EXOC6B: variants seen among roughly 807,000 people sequenced by gnomAD.
The protein encoded by EXOC6B is SEC15 homolog B.
Under a neutral mutation model 113.5 loss-of-function variants are expected in EXOC6B, and 54 were observed. The observed-to-expected ratio is 0.48, with a 90% CI of 0.38 to 0.60. EXOC6B has a LOEUF of 0.60. Among genes scored for constraint, EXOC6B ranks in the 20% least tolerant of loss-of-function variants. The pLI is 0.00. For synonymous variants in EXOC6B, 357 were observed against 339.0 expected (o/e 1.05, Z -0.58); for missense variants, 797 against 977.5 (o/e 0.82, Z 2.46).
rs776056603 is a variant in EXOC6B at position 72,575,641 on chromosome 2, T to C, written c.697A>G (p.Ile233Val). 3.1e-6 allele frequency: 5 copies of C among 1,601,858 alleles called. No homozygotes were observed. In the South Asian group the frequency reaches 3.4e-5, roughly 11 times the overall value. The change falls in exon 7 of 22, where the codon ATC (isoleucine) becomes GTC (valine). Residue 233 changes from isoleucine (I) to valine (V), a missense_variant. Ile to Val is a conservative substitution (Grantham distance 29). Transcript: ENST00000272427. ...QAQQQRNLDNIVLQQPRIGSK... is the reference protein window; with the variant it reads ...QAQQQRNLDNVVLQQPRIGSK... ...CCTATTCTGGGTTGTTGCAAGACGA[T>C]GTTATCCAGGTTTCTTTGCTGCTGG...
chr2:72,432,198 G>A (rs1189486492), intron 18 of EXOC6B, among the ~76,000 whole-genome samples: 2 of 151,892 alleles, frequency 1.3e-5, no homozygotes, highest in Non-Finnish European at 2.9e-5. Flanking sequence ...CACCATATCT[G>A]GCTAATTTTT....
chr2:72,708,754 G>C (rs1679056060), intron 6 of EXOC6B, among the ~76,000 whole-genome samples: 1 of 152,052 alleles, frequency 6.6e-6, no homozygotes, highest in African/African-American at 2.4e-5. Flanking sequence ...TTCACAGACA[G>C]ATTCTTGCTC....
At chr2:72,285,107 T>C (rs1558521344) in intron 20 of EXOC6B, among the ~76,000 whole-genome samples, 1 of 152,094 alleles carries the variant, frequency 6.6e-6, no homozygotes, top group African/African-American at 2.4e-5. Flanking sequence ...TTTCTATGGA[T>C]GTTGATAAAC....
chr2:72,607,673 G>T (rs1207415368), intron 6 of EXOC6B, among the ~76,000 whole-genome samples: 3 of 151,802 alleles, frequency 2.0e-5, no homozygotes, highest in African/African-American at 7.3e-5. Context: ...TTTTTAATGG[G>T]GTTTACATGG....
intron 20 of EXOC6B, among the ~76,000 whole-genome samples, chr2:72,255,054 C>A (rs1299185968): frequency 6.6e-6 from 1 of 152,156 alleles, no homozygotes; most frequent in Non-Finnish European, 1.5e-5. Flanking sequence ...CTGTGGATAT[C>A]AAGCCAAGGG....
rs555326398 is a variant in EXOC6B, at chr2:72,778,905, A to G, written c.114-37436T>C. 4.6e-5 allele frequency among the ~76,000 whole-genome samples: 7 copies of G among 152,312 alleles called. No individual in the cohort carries two copies. In the South Asian group the frequency reaches 1.4e-3, roughly 32 times the overall value. On this transcript the variant is annotated intron_variant, in intron 1 of 21. Transcript: ENST00000272427. ...AAACAAATATATTAGTTTTTTTAAA[A>G]AAGCAGGATACAACATAACACATGC...
intron 6 of EXOC6B, among the ~76,000 whole-genome samples, chr2:72,697,457 A>T (rs1250214602): frequency 6.6e-6 from 1 of 152,082 alleles, no homozygotes; most frequent in Non-Finnish European, 1.5e-5. Flanking sequence ...AAGCCAAGGT[A>T]GGCAGATCGC....
Position 72,335,000 on chromosome 2 carries a change from C to T in EXOC6B, c.2143G>A (p.Val715Met). The stretch of plus-strand genomic sequence containing the variant: ...AGCGTGTCCTCCTGGAACCCAGGCA[C>T]CGGGCCGGATCTGGCAAACTCTGTG... Reference protein sequence around the residue: ...ECEQFARSGPVPGFQEDTLQL... With the variant: ...ECEQFARSGPMPGFQEDTLQL... Residue 715 changes from valine (V) to methionine (M), a missense_variant, in exon 20 of 22, where the codon GTG (valine) becomes ATG (methionine). Transcript: ENST00000272427. The T allele has an allele frequency of 6.2e-7, 1 of 1,613,344 alleles. No homozygotes were observed. The highest frequency in any genetic ancestry group is 8.5e-7 in the Non-Finnish European group (1 of 1,179,470).
intron 10 of EXOC6B, among the ~76,000 whole-genome samples, chr2:72,513,942 A>C (rs1299107676): frequency 6.6e-6 from 1 of 152,164 alleles, no homozygotes; most frequent in East Asian, 1.9e-4. Context: ...TAAATCTGAA[A>C]AAAATAAACC....
intron 1 of EXOC6B, among the ~76,000 whole-genome samples, chr2:72,803,167 A>G (rs931193456): frequency 6.6e-6 from 1 of 152,200 alleles, no homozygotes; most frequent in African/African-American, 2.4e-5. Flanking sequence ...CCCCAAGTGC[A>G]CTGACCTGCA....
intron 7 of EXOC6B, among the ~76,000 whole-genome samples, chr2:72,566,026 GT>G (rs1704159301): frequency 6.6e-6 from 1 of 151,108 alleles, no homozygotes; most frequent in Non-Finnish European, 1.5e-5. Flanking sequence ...TTTTTTTTAA[GT>G]TTTAAAGTGT....
intron 8 of EXOC6B, among the ~76,000 whole-genome samples, chr2:72,528,023 T>C (rs1373941443): frequency 6.6e-6 from 1 of 152,060 alleles, no homozygotes; most frequent in Non-Finnish European, 1.5e-5. Context: ...GAGTCTTCTG[T>C]AGAGTAAAAG....
chr2:72,353,768 A>G (rs986671687), intron 19 of EXOC6B, among the ~76,000 whole-genome samples: 6 of 152,164 alleles, frequency 3.9e-5, no homozygotes, highest in Non-Finnish European at 7.3e-5. Flanking sequence ...CCTACGATAT[A>G]CTATTTTAAC....
intron 1 of EXOC6B, among the ~76,000 whole-genome samples, chr2:72,816,506 C>A (rs1392757889): frequency 6.6e-6 from 1 of 151,944 alleles, no homozygotes; most frequent in Non-Finnish European, 1.5e-5. Context: ...GAAGAATAAA[C>A]AACAAACGAA....
intron 5 of EXOC6B, among the ~76,000 whole-genome samples, chr2:72,727,569 T>A (rs1194641219): frequency 6.6e-6 from 1 of 152,188 alleles, no homozygotes; most frequent in East Asian, 1.9e-4. Context: ...GTGCTAGAAA[T>A]ATTTCAAAGC....
intron 11 of EXOC6B, among the ~76,000 whole-genome samples, chr2:72,506,917 T>C (rs1197393376): frequency 1.3e-5 from 2 of 152,122 alleles, no homozygotes; most frequent in African/African-American, 4.8e-5. Flanking sequence ...GCAGATCTTT[T>C]AATATTGAAC....
At chr2:72,662,097 A>C in intron 6 of EXOC6B, among the ~76,000 whole-genome samples, 1 of 100,710 alleles carries the variant, frequency 9.9e-6, no homozygotes, top group Admixed American at 1.5e-4. Context: ...GGGACGGGGG[A>C]GGGAAGGAGA....
chr2:72,500,924 T>C (rs976072457), intron 11 of EXOC6B, among the ~76,000 whole-genome samples: 4 of 152,204 alleles, frequency 2.6e-5, no homozygotes, highest in African/African-American at 9.7e-5. Context: ...ATATTGATGC[T>C]TCCTTATAAA....
At chr2:72,518,488 G>A (rs1013510281) in intron 8 of EXOC6B, among the ~76,000 whole-genome samples, 2 of 135,240 alleles carry the variant, frequency 1.5e-5, no homozygotes, top group Admixed American at 7.8e-5. Flanking sequence ...AGTAGGGTGT[G>A]TGTGTGTGTG....
Sources: allele counts gnomAD v4.1 joint callset (sites outside exome capture counted in the v4.1 genomes callset), GRCh38; gene constraint gnomAD v4.1.1; transcripts MANE v1.5; gene names NCBI Gene and HGNC (gene_info 2026-07-23, HGNC 2026-07-21).